Variants in SPNS1 observed in about 807,000 individuals in gnomAD.
SPNS1 encodes the protein SPNS lysolipid transporter 1, lysophospholipid, also known as protein spinster homolog 1.
SPNS1 carries 22 observed loss-of-function variants against 50.3 expected under a neutral mutation model. That is an observed-to-expected ratio of 0.44 (90% CI 0.31 to 0.62). SPNS1 has a LOEUF of 0.62. Ranked by LOEUF, SPNS1 falls within the 20% of genes least tolerant of loss-of-function variation. The pLI, the probability that SPNS1 is intolerant of heterozygous loss-of-function variation, is 0.07. For synonymous variants in SPNS1, 295 were observed against 317.4 expected (o/e 0.93, Z 0.75); for missense variants, 576 against 728.6 (o/e 0.79, Z 2.41).
rs757595562 is a variant in SPNS1 at position 28,982,802 on chromosome 16, A to C, written c.1156-55A>C. On this transcript the variant is annotated intron_variant, in intron 8 of 11. Transcript: ENST00000311008. ...AATAGATGAGCTGGGAACATGGTCA[A>C]CTTTCCATGTGTTAGCCCTTACTGT... 37 of 1,584,452 alleles carry C rather than the reference A, an allele frequency of 2.3e-5. No homozygotes were observed. The Admixed American group carries it at 3.7e-4, about 16-fold the overall frequency.
rs967945517 is a variant in SPNS1, at chr16:28,981,961, G to A, written c.870G>A (p.Leu290=). ...CTGTGGCCTTTGTCACGGGCTCCCT[G>A]GCTCTGTGGGCTCCGGCATTCCTGC... is the stretch of plus-strand genomic sequence containing the variant. The part of the protein sequence containing the change: ...FTAVAFVTGS[L]ALWAPAFLLR... The change falls in exon 7 of 12, where the codon CTG becomes CTA. Residue 290 remains leucine, a synonymous_variant. Transcript: ENST00000311008. This position sits in a 1 kb window ranked among gnomAD's most constrained non-coding sequence, Gnocchi z 4.2. 1.2e-6 allele frequency: 2 copies of A among 1,614,238 alleles called. No individual in the cohort carries two copies. Among genetic ancestry groups the A allele is most frequent in the Admixed American group, 3.3e-5 (2 of 60,026 alleles).
Position 28,981,833 on chromosome 16 carries a change from G to A in SPNS1, c.810-68G>A. 6.3e-7 allele frequency: 1 copy of A among 1,588,492 alleles called. No individual in the cohort carries two copies. Among genetic ancestry groups the A allele is most frequent in the Admixed American group, 1.7e-5 (1 of 59,816 alleles). On this transcript the variant is annotated intron_variant, in intron 6 of 11. Coordinates refer to ENST00000311008, the MANE Select transcript of SPNS1 (RefSeq NM_032038.3). The surrounding 1 kb of genome is among the most constrained non-coding windows in gnomAD (Gnocchi z 4.2). Reference sequence around the variant, plus strand: ...CTTACTAAAATAAGCCAGGAAGGGAGAAGAGAGGTCCCCTCCTGCCTCGAC... The same window carrying A: ...CTTACTAAAATAAGCCAGGAAGGGAAAAGAGAGGTCCCCTCCTGCCTCGAC...
rs1009885908 is a variant in SPNS1, at chr16:28,984,521, A to G, written c.*222A>G. On this transcript the variant is annotated 3_prime_UTR_variant, in exon 12 of 12. Coordinates refer to ENST00000311008, the MANE Select transcript of SPNS1 (RefSeq NM_032038.3). ...CCCCAAGGGCTCGGTGCTATTTGTAACGGAATAAAATTTGTAGCCAGACCC... is the reference window on the plus strand; with the variant it reads ...CCCCAAGGGCTCGGTGCTATTTGTAGCGGAATAAAATTTGTAGCCAGACCC... The G allele has an allele frequency of 1.1e-5, 7 of 644,984 alleles. No individual in the cohort carries two copies. In the East Asian group the frequency reaches 1.4e-4, roughly 13 times the overall value. 40.0% of individuals were successfully genotyped at this position (644,984 alleles called of 1,614,324 possible).
downstream of SPNS1, chr16:28,984,604 C>A: frequency 1.6e-6 from 1 of 611,892 alleles, no homozygotes; most frequent in Non-Finnish European, 2.9e-6. Flanking sequence ...CCGTCTTCAC[C>A]CCAGGGCTCC....
At position 28,979,151 on chromosome 16, in the gene SPNS1, C is replaced by G. The variant is rs532485695; in HGVS notation, c.445-4C>G. On this transcript the variant is annotated splice_polypyrimidine_tract_variant and splice_region_variant and intron_variant, in intron 3 of 11. Transcript: ENST00000311008. ...TGCCACCTCTCCCCGGTCTCTCTCC[C>G]CAGCATTTCTGGCTGCTCCTCCTGA... is the stretch of plus-strand genomic sequence containing the variant. 1 of 1,613,294 alleles carries G rather than the reference C, an allele frequency of 6.2e-7. No individual in the cohort carries two copies. Among genetic ancestry groups the G allele is most frequent in the South Asian group, 1.1e-5 (1 of 91,022 alleles).
rs986965181 is a variant in SPNS1 at position 28,981,321 on chromosome 16, C to T, written c.664-149C>T. 6 of 1,016,372 alleles carry T rather than the reference C, an allele frequency of 5.9e-6. No individual in the cohort carries two copies. Among genetic ancestry groups the T allele is most frequent in the African/African-American group, 1.6e-5 (1 of 61,802 alleles). 63.0% of individuals were successfully genotyped at this position (1,016,372 alleles called of 1,614,324 possible). ...TGGCCCCTAGTGGCAGCCCCCTTCC[C>T]CCAGATTGCAGGTTCGGCTTCTTGG... On this transcript the variant is annotated intron_variant, in intron 5 of 11. Coordinates refer to ENST00000311008, the MANE Select transcript of SPNS1 (RefSeq NM_032038.3). This position sits in a 1 kb window ranked among gnomAD's most constrained non-coding sequence, Gnocchi z 4.2.
intron 2 of SPNS1, 73 bp downstream of exon 2, chr16:28,975,630 C>T: frequency 2.6e-6 from 4 of 1,549,290 alleles, no homozygotes; most frequent in Non-Finnish European, 3.6e-6. Flanking sequence ...CACGCGCTGG[C>T]CTGTCTAGGG....
chr16:28,982,745 C>A, intron 8 of SPNS1, 112 bp from the exon 9 acceptor site: 1 of 1,321,106 alleles, frequency 7.6e-7, no homozygotes, highest in Admixed American at 1.7e-5. Context: ...TAGCACCTGT[C>A]TCACTGGGGT....
Position 28,983,887 on chromosome 16 carries a change from C to T in SPNS1, c.1422C>T (p.Gly474=), listed in dbSNP as rs1026655132. The stretch of plus-strand genomic sequence containing the variant: ...TCTGCGCGTTTGTTGGGGCACTGGG[C>T]GGCGCAGCCTTCCTGGGCACCGCCA... ...LMLCAFVGAL[G]GAAFLGTAIF... The change falls in exon 11 of 12, where the codon GGC becomes GGT. Residue 474 remains glycine, a synonymous_variant. Transcript: ENST00000311008. The surrounding 1 kb of genome is among the most constrained non-coding windows in gnomAD (Gnocchi z 5.4). The T allele has an allele frequency of 3.1e-5, 50 of 1,601,676 alleles. No individual in the cohort carries two copies. Among genetic ancestry groups the T allele is most frequent in the Non-Finnish European group, 3.7e-5 (44 of 1,179,174 alleles).
chr16:28,977,310 T>C (rs1690614761), intron 2 of SPNS1, among the ~76,000 whole-genome samples: 1 of 71,386 alleles, frequency 1.4e-5, no homozygotes, highest in Non-Finnish European at 2.5e-5. Context: ...CGAGACTTCG[T>C]TTAAAAAAAA....
In SPNS1 at chr16:28,979,223, G is replaced by A. The variant is rs372768895; in HGVS notation, c.513G>A (p.Ala171=). The A allele has an allele frequency of 1.2e-5, 20 of 1,613,988 alleles. No individual in the cohort carries two copies. The highest frequency in any genetic ancestry group is 5.0e-5 in the Admixed American group (3 of 59,986). ...GGGAGGCCAGTTATTCCACCATCGC[G>A]CCCACTCTCATTGCCGACCTCTTTG... ...GVGEASYSTI[A]PTLIADLFVA... is the part of the protein sequence containing the mutation. The change falls in exon 4 of 12, where the codon GCG becomes GCA. Residue 171 remains alanine, a synonymous_variant. Coordinates refer to ENST00000311008, the MANE Select transcript of SPNS1 (RefSeq NM_032038.3).
Position 28,981,533 on chromosome 16 carries a change from A to G in SPNS1, c.727A>G (p.Arg243Gly). The change falls in exon 6 of 12, where the codon AGG (arginine) becomes GGG (glycine). Residue 243 changes from arginine to glycine, a missense_variant. Physicochemically the swap from Arg to Gly is moderately radical, Grantham distance 125. This residue lies in a region of SPNS1 where 428 missense variants were observed against 520.1 expected (regional missense o/e 0.82). Coordinates refer to ENST00000311008, the MANE Select transcript of SPNS1 (RefSeq NM_032038.3). The surrounding 1 kb of genome is among the most constrained non-coding windows in gnomAD (Gnocchi z 4.2). ...LLFLVVREPPRGAVERHSDLP... is the reference protein window; with the variant it reads ...LLFLVVREPPGGAVERHSDLP... ...GTTCCTGGTAGTGCGGGAGCCGCCA[A>G]GGGGAGCCGTGGAGCGCCACTCAGA... 1 of 1,614,060 alleles carries G rather than the reference A, an allele frequency of 6.2e-7. No individual in the cohort carries two copies. Among genetic ancestry groups the G allele is most frequent in the Admixed American group, 1.7e-5 (1 of 60,020 alleles).
rs753101006 is a variant in SPNS1 at position 28,977,965 on chromosome 16, A to G, written c.365A>G (p.Tyr122Cys). ...GTGTTTGGCTACCTGGGTGACAGGTACAATCGGAAGTATCTCATGTGCGGG... is the reference window on the plus strand; with the variant it reads ...GTGTTTGGCTACCTGGGTGACAGGTGCAATCGGAAGTATCTCATGTGCGGG... ...APVFGYLGDR[Y>C]NRKYLMCGGI... Residue 122 changes from tyrosine (Y) to cysteine (C), a missense_variant, in exon 3 of 12, where the codon TAC (tyrosine) becomes TGC (cysteine). Tyr to Cys is a radical substitution (Grantham distance 194). Coordinates refer to ENST00000311008, the MANE Select transcript of SPNS1 (RefSeq NM_032038.3). 1.9e-6 allele frequency: 3 copies of G among 1,613,942 alleles called. No homozygotes were observed. The South Asian group carries it at 3.3e-5, about 18-fold the overall frequency.
At chr16:28,976,332 A>C (rs7189583) in intron 2 of SPNS1, among the ~76,000 whole-genome samples, 12,870 of 152,060 alleles carry the variant, frequency 0.085, 1,301 homozygotes, top group South Asian at 0.32. Flanking sequence ...GGTGTGTTTT[A>C]CTTGTTCACA....
downstream of SPNS1, chr16:28,984,673 C>T (rs983464696): frequency 3.1e-4 from 197 of 644,060 alleles, no homozygotes; most frequent in Non-Finnish European, 7.2e-5. Context: ...CTGGGCTGGG[C>T]GACTGAGATG....
Position 28,981,927 on chromosome 16 carries a change from G to C in SPNS1, c.836G>C (p.Gly279Ala), listed in dbSNP as rs774484340. 6 of 1,614,052 alleles carry C rather than the reference G, an allele frequency of 3.7e-6. No individual in the cohort carries two copies. Among genetic ancestry groups the C allele is most frequent in the Non-Finnish European group, 4.2e-6 (5 of 1,180,032 alleles). ...CCTAGTTTCGTCCTGTCTTCCCTGG[G>C]CTTCACTGCTGTGGCCTTTGTCACG... Reference protein sequence around the residue: ...RNPSFVLSSLGFTAVAFVTGS... With the variant: ...RNPSFVLSSLAFTAVAFVTGS... Residue 279 changes from glycine to alanine, a missense_variant, in exon 7 of 12, where the codon GGC becomes GCC. Transcript: ENST00000311008. This position sits in a 1 kb window ranked among gnomAD's most constrained non-coding sequence, Gnocchi z 4.2.
chr16:28,982,528 A>C lies in SPNS1; in HGVS notation c.1138A>C (p.Ser380Arg), dbSNP rs759198219. Residue 380 changes from serine (S) to arginine (R), a missense_variant, in exon 8 of 12, where the codon AGC becomes CGC. Coordinates refer to ENST00000311008, the MANE Select transcript of SPNS1 (RefSeq NM_032038.3). ...LFLSLACARGSIVATYIFIFI... is the reference protein window; with the variant it reads ...LFLSLACARGRIVATYIFIFI... ...CCTGTCCCTTGCCTGCGCCCGTGGT[A>C]GCATCGTGGCCACTTATGTGAGTAG... The C allele has an allele frequency of 5.6e-6, 9 of 1,609,818 alleles. No individual in the cohort carries two copies. The highest frequency in any genetic ancestry group is 7.6e-6 in the Non-Finnish European group (9 of 1,177,854).
In SPNS1 at chr16:28,975,279, A is replaced by G. The variant is rs772587803; in HGVS notation, c.128A>G (p.Asp43Gly). 1 of 1,573,200 alleles carries G rather than the reference A, an allele frequency of 6.4e-7. No individual in the cohort carries two copies. Residue 43 changes from aspartate to glycine, a missense_variant, in exon 1 of 12, where the codon GAC becomes GGC. By Grantham distance (94) the Asp-to-Gly change is moderately conservative. Around this residue, in one of 3 missense-constraint regions of SPNS1, gnomAD observed 144 missense variants for 181.2 expected, o/e 0.79. Coordinates refer to ENST00000311008, the MANE Select transcript of SPNS1 (RefSeq NM_032038.3). ...AAGTCCGAGGAGCCCGAGGTCCCGGACCAGGAGGGGCTGCAGCGCATCACC... is the reference window on the plus strand; with the variant it reads ...AAGTCCGAGGAGCCCGAGGTCCCGGGCCAGGAGGGGCTGCAGCGCATCACC... Reference protein sequence around the residue: ...NPKSEEPEVPDQEGLQRITGL... With the variant: ...NPKSEEPEVPGQEGLQRITGL...
chr16:28,981,776 G>A lies in SPNS1; in HGVS notation c.810-125G>A. 1 of 1,495,148 alleles carries A rather than the reference G, an allele frequency of 6.7e-7. No individual in the cohort carries two copies. Among genetic ancestry groups the A allele is most frequent in the South Asian group, 1.2e-5 (1 of 80,222 alleles). The allele number at this position is 1,495,148 out of a possible 1,614,324, so 92.6% of individuals were successfully genotyped here. A position where few individuals can be genotyped will look rare whatever the true frequency, so the allele number is the denominator to read the frequency against. On this transcript the variant is annotated intron_variant, in intron 6 of 11. Coordinates refer to ENST00000311008, the MANE Select transcript of SPNS1 (RefSeq NM_032038.3). This position sits in a 1 kb window ranked among gnomAD's most constrained non-coding sequence, Gnocchi z 4.2. Reference sequence around the variant, plus strand: ...CTTGAATTACAGGCCCAGATCCTGGGAGCCAGAACCACCTCTGCACGGTGT... The same window carrying A: ...CTTGAATTACAGGCCCAGATCCTGGAAGCCAGAACCACCTCTGCACGGTGT...
Sources: gnomAD v4.1 joint callset for allele counts (sites outside exome capture counted in the v4.1 genomes callset) on GRCh38, gnomAD v4.1.1 for gene constraint, gnomAD v4.1.1 regional missense constraint, Gnocchi (gnomAD v3.1) non-coding constraint, MANE v1.5 for transcripts, NCBI Gene and HGNC (gene_info 2026-07-23, HGNC 2026-07-21) for gene names.